The following COL26A1 variants were observed in gnomAD, a reference collection of about 807,000 sequenced individuals.
The protein encoded by COL26A1 is collagen alpha-1(XXVI) chain.
COL26A1 carries 41 observed loss-of-function variants against 59.3 expected under a neutral mutation model. The ratio of observed to expected loss-of-function variants is 0.69; its 90% confidence interval spans 0.54 to 0.90. COL26A1 has a LOEUF of 0.90. Among genes scored for constraint, COL26A1 ranks in the 40% least tolerant of loss-of-function variants. The pLI is 0.00. For synonymous variants in COL26A1, 266 were observed against 256.0 expected (o/e 1.04, Z -0.37); for missense variants, 612 against 602.3 (o/e 1.02, Z -0.17).
chr7:101,430,553 T>G (rs1792755709), intron 2 of COL26A1, among the ~76,000 whole-genome samples: 1 of 151,952 alleles, frequency 6.6e-6, no homozygotes, highest in African/African-American at 2.4e-5. Flanking sequence ...CTTCCCAAAG[T>G]GCTGGGATTA....
intron 2 of COL26A1, among the ~76,000 whole-genome samples, chr7:101,445,248 C>T (rs1358512614): frequency 6.6e-6 from 1 of 152,158 alleles, no homozygotes; most frequent in East Asian, 1.9e-4. Flanking sequence ...AAATCCATCA[C>T]CCACATAATG....
chr7:101,366,151 A>C (rs1372499306), intron 1 of COL26A1, among the ~76,000 whole-genome samples: 3 of 152,194 alleles, frequency 2.0e-5, no homozygotes. Context: ...GATATTCCAG[A>C]GTGTGACTGA....
At chr7:101,520,320 G>C (rs1249739080) in intron 3 of COL26A1, among the ~76,000 whole-genome samples, 1 of 152,148 alleles carries the variant, frequency 6.6e-6, no homozygotes, top group East Asian at 1.9e-4. Flanking sequence ...GCAGAACACA[G>C]GGTCCTTGGG....
intron 4 of COL26A1, among the ~76,000 whole-genome samples, chr7:101,536,235 C>CT (rs1795479671): frequency 6.6e-6 from 1 of 152,234 alleles, no homozygotes. Context: ...AGGCTGGTCT[C>CT]AAACTCCTGA....
At chr7:101,407,593 T>A (rs1792156770) in intron 1 of COL26A1, among the ~76,000 whole-genome samples, 1 of 151,834 alleles carries the variant, frequency 6.6e-6, no homozygotes, top group East Asian at 1.9e-4. Flanking sequence ...TTGAACCTCA[T>A]GGCAGACACA....
rs995446903 is a variant in COL26A1 at position 101,557,771 on chromosome 7, G to A, written c.*241G>A. 2.2e-5 allele frequency: 10 copies of A among 462,016 alleles called. No homozygotes were observed. In the East Asian group the frequency reaches 2.3e-4, roughly 10 times the overall value. 28.6% of individuals were successfully genotyped at this position (462,016 alleles called of 1,614,324 possible). A position where few individuals can be genotyped will look rare whatever the true frequency, so the allele number is the denominator to read the frequency against. On this transcript the variant is annotated 3_prime_UTR_variant, in exon 13 of 13. Transcript: ENST00000313669. The stretch of plus-strand genomic sequence containing the variant: ...CCTACCCCCACTCCCGGCTGGAGAC[G>A]GGGTCTGGGTGGGCTGGGTGCTGGG...
intron 1 of COL26A1, among the ~76,000 whole-genome samples, chr7:101,402,664 C>CTCCCTCCT (rs1562963960): frequency 2.7e-5 from 3 of 112,258 alleles, no homozygotes; most frequent in Non-Finnish European, 5.2e-5. Context: ...CCTTCCTTCC[C>CTCCCTCCT]TCCCTCCCTC....
At chr7:101,496,296 G>T (rs903458083) in intron 3 of COL26A1, among the ~76,000 whole-genome samples, 1 of 152,164 alleles carries the variant, frequency 6.6e-6, no homozygotes, top group African/African-American at 2.4e-5. Flanking sequence ...AACTGAATAG[G>T]TTCATTGCCC....
intron 1 of COL26A1, among the ~76,000 whole-genome samples, chr7:101,363,528 T>C (rs1584339531): frequency 1.6e-5 from 1 of 62,354 alleles, no homozygotes; most frequent in Admixed American, 2.0e-4. Context: ...GATTGGGGGC[T>C]GGGGCGCGGG....
At chr7:101,410,688 T>C (rs972843893) in intron 1 of COL26A1, among the ~76,000 whole-genome samples, 8 of 67,198 alleles carry the variant, frequency 1.2e-4, no homozygotes, top group Admixed American at 2.5e-4. Flanking sequence ...CTAATTTTGG[T>C]GTGTGTGTGT....
At chr7:101,503,795 C>G (rs1794751849) in intron 3 of COL26A1, among the ~76,000 whole-genome samples, 1 of 152,228 alleles carries the variant, frequency 6.6e-6, no homozygotes, top group Non-Finnish European at 1.5e-5. Flanking sequence ...AAGTCACAGG[C>G]ACTGGTCAGG....
At chr7:101,553,140 C>G (rs75530821) in intron 10 of COL26A1, 186 bp from the exon 11 acceptor site, 9,995 of 546,472 alleles carry the variant, frequency 0.018, 103 homozygotes, top group Non-Finnish European at 0.025. Context: ...CAGGCTGTGC[C>G]CCGGAGCCGT....
chr7:101,544,967 C>A (rs1343938082), intron 6 of COL26A1, among the ~76,000 whole-genome samples: 1 of 152,264 alleles, frequency 6.6e-6, no homozygotes, highest in Middle Eastern at 3.4e-3. Flanking sequence ...GGGGAAGGAC[C>A]CCTGGTTCAG....
At chr7:101,534,521 C>G (rs80339432) in intron 4 of COL26A1, among the ~76,000 whole-genome samples, 2 of 152,068 alleles carry the variant, frequency 1.3e-5, no homozygotes, top group Non-Finnish European at 2.9e-5. Context: ...CACATTTGCA[C>G]ATGTGCACAC....
At chr7:101,553,987 G>A (rs1795915204) in intron 11 of COL26A1, among the ~76,000 whole-genome samples, 2 of 151,908 alleles carry the variant, frequency 1.3e-5, no homozygotes, top group African/African-American at 4.8e-5. Context: ...AGTGGATGAA[G>A]GGGATGAAGG....
chr7:101,516,136 C>T (rs778728643), intron 3 of COL26A1, among the ~76,000 whole-genome samples: 6 of 152,266 alleles, frequency 3.9e-5, no homozygotes, highest in African/African-American at 9.6e-5. Flanking sequence ...TGATTGTGGC[C>T]GTGAGCCACT....
chr7:101,449,573 A>G lies in COL26A1; in HGVS notation c.385+1786A>G, dbSNP rs146250122. On this transcript the variant is annotated intron_variant, in intron 3 of 12. Transcript: ENST00000313669. ...CGCTTGAGCCCAGGAGTTTGAGACC[A>G]GCCTGGGCAACATGGTGAAACCCTG... Among the ~76,000 whole-genome samples, 802 of 152,288 alleles carry G rather than the reference A, an allele frequency of 5.3e-3. 6 individuals carry two copies. The highest frequency in any genetic ancestry group is 0.019 in the African/African-American group (774 of 41,570).
chr7:101,526,207 T>C (rs996383847), intron 3 of COL26A1, among the ~76,000 whole-genome samples: 6 of 151,826 alleles, frequency 4.0e-5, no homozygotes, highest in South Asian at 2.1e-4. Flanking sequence ...CGCCACCACA[T>C]CCAGCTAATT....
chr7:101,409,841 A>G (rs1291235553), intron 1 of COL26A1, among the ~76,000 whole-genome samples: 1 of 151,748 alleles, frequency 6.6e-6, no homozygotes, highest in Non-Finnish European at 1.5e-5. Flanking sequence ...GCTCACAGCA[A>G]CCTCCACCTC....
Sources: allele counts gnomAD v4.1 joint callset (sites outside exome capture counted in the v4.1 genomes callset), GRCh38; gene constraint gnomAD v4.1.1; transcripts MANE v1.5; gene names NCBI Gene and HGNC (gene_info 2026-07-23, HGNC 2026-07-21).